Variants in GABRG1 observed in about 807,000 individuals in gnomAD.
GABRG1 encodes the protein gamma-aminobutyric acid type A receptor subunit gamma1, also known as gamma-aminobutyric acid receptor subunit gamma-1.
GABRG1 carries 49 observed loss-of-function variants against 49.8 expected under a neutral mutation model. The observed-to-expected ratio is 0.98, with a 90% CI of 0.78 to 1.25. The LOEUF is 1.25. Among genes scored for constraint, GABRG1 ranks in the 50% most tolerant of loss-of-function variants. The probability of loss-of-function intolerance (pLI) is 0.00; values close to 1 mark genes in which losing one functional copy is unlikely to be tolerated. For synonymous variants in GABRG1, 232 were observed against 185.1 expected (o/e 1.25, Z -2.06); for missense variants, 552 against 552.3 (o/e 1.00, Z 0.01).
intron 3 of GABRG1, among the ~76,000 whole-genome samples, chr4:46,070,443 C>T (rs1178587021): frequency 6.6e-6 from 1 of 151,846 alleles, no homozygotes; most frequent in Non-Finnish European, 1.5e-5. Context: ...TGAATGAACT[C>T]CCAGTTCTTA....
At chr4:46,085,807 C>T (rs1343804887) in intron 2 of GABRG1, among the ~76,000 whole-genome samples, 6 of 151,488 alleles carry the variant, frequency 4.0e-5, no homozygotes, top group East Asian at 1.9e-4. Context: ...ACTAAGTACT[C>T]TTTCTTAGCA....
intron 5 of GABRG1, among the ~76,000 whole-genome samples, chr4:46,059,644 C>T (rs941240121): frequency 5.3e-5 from 8 of 151,960 alleles, no homozygotes; most frequent in South Asian, 4.1e-4. Flanking sequence ...AACCCCTGAC[C>T]TCAGGTGATC....
chr4:46,098,980 T>A lies in GABRG1; in HGVS notation c.105-1631A>T, dbSNP rs115394459. Among the ~76,000 whole-genome samples, 24 of 151,766 alleles carry A rather than the reference T, an allele frequency of 1.6e-4. No individual in the cohort carries two copies. In the East Asian group the frequency reaches 4.1e-3, roughly 26 times the overall value. The stretch of plus-strand genomic sequence containing the variant: ...AAAATCCTTATATTGCCATAAAAAA[T>A]TTTTATGAGATTTTAACATCATAAA... On this transcript the variant is annotated intron_variant, in intron 1 of 8. Transcript: ENST00000295452.
intron 1 of GABRG1, among the ~76,000 whole-genome samples, chr4:46,099,881 A>G (rs1037074507): frequency 1.3e-5 from 2 of 151,642 alleles, no homozygotes; most frequent in African/African-American, 4.8e-5. Context: ...CCAATGTAAC[A>G]CTGCTACTCT....
At chr4:46,076,353 G>A (rs1172539969) in intron 3 of GABRG1, among the ~76,000 whole-genome samples, 3 of 95,026 alleles carry the variant, frequency 3.2e-5, no homozygotes, top group Non-Finnish European at 6.0e-5. Flanking sequence ...ATTTATCTTA[G>A]GTCATGTTCA....
At chr4:46,094,841 A>G (rs1039055954) in intron 2 of GABRG1, among the ~76,000 whole-genome samples, 11 of 152,124 alleles carry the variant, frequency 7.2e-5, no homozygotes, top group Middle Eastern at 3.4e-3. Context: ...CCCAGAAACC[A>G]CAAAATTAAA....
intron 2 of GABRG1, among the ~76,000 whole-genome samples, chr4:46,095,951 C>A: frequency 6.6e-6 from 1 of 151,710 alleles, no homozygotes; most frequent in East Asian, 1.9e-4. Flanking sequence ...CAATAGTTAT[C>A]TTTTTTGCTC....
At chr4:46,082,468 A>C (rs910657449) in intron 3 of GABRG1, among the ~76,000 whole-genome samples, 16 of 151,754 alleles carry the variant, frequency 1.1e-4, no homozygotes, top group Non-Finnish European at 4.4e-5. Context: ...ACATGACTAC[A>C]TCACTATCCC....
At chr4:46,086,589 G>C (rs983566138) in intron 2 of GABRG1, among the ~76,000 whole-genome samples, 6 of 151,228 alleles carry the variant, frequency 4.0e-5, no homozygotes, top group Non-Finnish European at 7.4e-5. Context: ...TCACAGAATA[G>C]GCCTTAAAAA....
At chr4:46,090,451 C>G (rs1433254706) in intron 2 of GABRG1, among the ~76,000 whole-genome samples, 1 of 151,638 alleles carries the variant, frequency 6.6e-6, no homozygotes, top group Non-Finnish European at 1.5e-5. Flanking sequence ...ATTAAGAGAA[C>G]CTAGTTTATA....
intron 1 of GABRG1, among the ~76,000 whole-genome samples, chr4:46,112,410 G>A (rs551431703): frequency 6.7e-4 from 102 of 151,386 alleles, no homozygotes; most frequent in Non-Finnish European, 1.1e-3. Flanking sequence ...TTCTGCCAAT[G>A]TGGAAAGCAG....
chr4:46,121,572 C>T (rs1367527923), intron 1 of GABRG1, among the ~76,000 whole-genome samples: 3 of 147,882 alleles, frequency 2.0e-5, no homozygotes, highest in Admixed American at 6.6e-5. Flanking sequence ...CATGGTTTGC[C>T]TACAAAAGTG....
chr4:46,076,365 A>T (rs1459918927), intron 3 of GABRG1, among the ~76,000 whole-genome samples: 4 of 80,996 alleles, frequency 4.9e-5, no homozygotes, highest in East Asian at 5.8e-4. Flanking sequence ...TCATGTTCAT[A>T]TATATATATA....
chr4:46,098,168 T>G (rs7668419), intron 1 of GABRG1, among the ~76,000 whole-genome samples: 13,772 of 151,724 alleles, frequency 0.091, 1,258 homozygotes, highest in African/African-American at 0.23. Context: ...TACACCTGTG[T>G]GCTTAAAAGT....
intron 1 of GABRG1, among the ~76,000 whole-genome samples, chr4:46,099,180 C>T (rs536681341): frequency 6.6e-6 from 1 of 151,768 alleles, no homozygotes; most frequent in South Asian, 2.1e-4. Context: ...ATTTGCAATA[C>T]TCCTTCCAGC....
In GABRG1 at chr4:46,036,925, T is replaced by C. The variant is rs1433342950; in HGVS notation, c.*4063A>G. On this transcript the variant is annotated 3_prime_UTR_variant, in exon 9 of 9. Transcript: ENST00000295452. Reference sequence around the variant, plus strand: ...CTAACCTAACCTTTCATTGTCTCTATATGAATCTTAACTTCCAATTAATAT... The same window carrying C: ...CTAACCTAACCTTTCATTGTCTCTACATGAATCTTAACTTCCAATTAATAT... 1 of 151,942 alleles carries C rather than the reference T, an allele frequency of 6.6e-6. No homozygotes were observed. Among genetic ancestry groups the C allele is most frequent in the Admixed American group, 6.6e-5 (1 of 15,212 alleles). The allele number at this position is 151,942 out of a possible 1,614,324, so 9.4% of individuals were successfully genotyped here.
At chr4:46,046,724 A>G (rs1013540846) in intron 8 of GABRG1, among the ~76,000 whole-genome samples, 4 of 152,034 alleles carry the variant, frequency 2.6e-5, no homozygotes, top group Non-Finnish European at 5.9e-5. Flanking sequence ...TTTCATCCTA[A>G]TATCTTGGTT....
chr4:46,110,262 G>T (rs951885020), intron 1 of GABRG1, among the ~76,000 whole-genome samples: 1 of 150,960 alleles, frequency 6.6e-6, no homozygotes, highest in Non-Finnish European at 1.5e-5. Flanking sequence ...TTATAATTAT[G>T]CAATGCCCTC....
chr4:46,086,842 C>T (rs911021106), intron 2 of GABRG1, among the ~76,000 whole-genome samples: 6 of 151,550 alleles, frequency 4.0e-5, no homozygotes, highest in Non-Finnish European at 8.9e-5. Flanking sequence ...TTATTTTTAT[C>T]AACCTACTCA....
Sources: allele counts gnomAD v4.1 joint callset (sites outside exome capture counted in the v4.1 genomes callset), GRCh38; gene constraint gnomAD v4.1.1; transcripts MANE v1.5; gene names NCBI Gene and HGNC (gene_info 2026-07-23, HGNC 2026-07-21).